OPCML: variants seen among roughly 807,000 people sequenced by gnomAD.
OPCML encodes opioid binding protein/cell adhesion molecule like.
A neutral mutation model predicts 37.8 loss-of-function variants in OPCML; 13 were observed. That is an observed-to-expected ratio of 0.34 (90% CI 0.22 to 0.55). The LOEUF is 0.55. OPCML is among the 20% of genes least tolerant of loss of function. OPCML has a pLI of 0.91. For missense variants in OPCML, 341 were observed against 435.6 expected (o/e 0.78, Z 1.93); for synonymous variants, 176 against 168.8 (o/e 1.04, Z -0.33).
chr11:133,273,647 G>A (rs1294518532), intron 1 of OPCML, among the ~76,000 whole-genome samples: 1 of 152,134 alleles, frequency 6.6e-6, no homozygotes, highest in Non-Finnish European at 1.5e-5. Context: ...CAAGGGATCT[G>A]CTAAGCCAGA....
At chr11:133,345,008 C>A (rs987271583) in intron 1 of OPCML, among the ~76,000 whole-genome samples, 5 of 152,178 alleles carry the variant, frequency 3.3e-5, no homozygotes, top group Non-Finnish European at 7.3e-5. Context: ...TCCTTACCAT[C>A]ACCCTCTGCG....
intron 1 of OPCML, among the ~76,000 whole-genome samples, chr11:133,267,240 A>T (rs1397407426): frequency 1.3e-5 from 2 of 152,170 alleles, no homozygotes; most frequent in Admixed American, 6.5e-5. Flanking sequence ...TGAGCGTCAC[A>T]CTTAGTATTG....
intron 1 of OPCML, among the ~76,000 whole-genome samples, chr11:133,471,815 A>T (rs74521221): frequency 0.057 from 8,675 of 152,244 alleles, 776 homozygotes; most frequent in African/African-American, 0.19. Flanking sequence ...TGAGGTCAGG[A>T]GTCATTGAAG....
At chr11:132,789,042 A>G (rs943970765) in intron 2 of OPCML, among the ~76,000 whole-genome samples, 9 of 145,960 alleles carry the variant, frequency 6.2e-5, no homozygotes, top group Non-Finnish European at 1.3e-4. Context: ...TCATTCATCT[A>G]CGTGCACCCG....
At chr11:133,035,516 A>G (rs959263198) in intron 1 of OPCML, among the ~76,000 whole-genome samples, 11 of 152,318 alleles carry the variant, frequency 7.2e-5, no homozygotes, top group Middle Eastern at 3.4e-3. Context: ...AGACTAAAGT[A>G]TTTGGCTATT....
intron 1 of OPCML, among the ~76,000 whole-genome samples, chr11:133,381,506 G>A (rs986404092): frequency 3.9e-5 from 6 of 152,234 alleles, no homozygotes; most frequent in African/African-American, 7.2e-5. Context: ...GGAGCTCAGA[G>A]AAAGGCTATG....
At chr11:132,624,057 A>T (rs1939590447) in intron 3 of OPCML, among the ~76,000 whole-genome samples, 1 of 152,222 alleles carries the variant, frequency 6.6e-6, no homozygotes, top group Non-Finnish European at 1.5e-5. Context: ...TGCAACATCT[A>T]ATGTTTTGGT....
chr11:133,347,652 T>C (rs1944033950), intron 1 of OPCML, among the ~76,000 whole-genome samples: 2 of 152,352 alleles, frequency 1.3e-5, no homozygotes, highest in South Asian at 4.1e-4. Flanking sequence ...AGATCCTGTC[T>C]GTATTTGGAC....
chr11:133,387,652 T>C (rs1305594013), intron 1 of OPCML, among the ~76,000 whole-genome samples: 1 of 152,230 alleles, frequency 6.6e-6, no homozygotes, highest in Non-Finnish European at 1.5e-5. Flanking sequence ...ATGTATTCAG[T>C]GATCGCTGTA....
chr11:132,662,251 G>A (rs1287446588), intron 2 of OPCML, among the ~76,000 whole-genome samples: 3 of 152,102 alleles, frequency 2.0e-5, no homozygotes, highest in Non-Finnish European at 4.4e-5. Context: ...CGGATACTGC[G>A]GCTCTGGGGA....
chr11:132,653,222 G>A (rs536198892), intron 3 of OPCML, among the ~76,000 whole-genome samples: 1 of 152,174 alleles, frequency 6.6e-6, no homozygotes, highest in African/African-American at 2.4e-5. Flanking sequence ...TAAAAAATCT[G>A]GGTGATATCA....
At chr11:133,339,269 C>T (rs1442201264) in intron 1 of OPCML, among the ~76,000 whole-genome samples, 1 of 152,158 alleles carries the variant, frequency 6.6e-6, no homozygotes, top group Non-Finnish European at 1.5e-5. Flanking sequence ...CCCATAACAG[C>T]CTTCTGAATT....
At chr11:132,682,705 G>A (rs1285643510) in intron 2 of OPCML, among the ~76,000 whole-genome samples, 4 of 152,174 alleles carry the variant, frequency 2.6e-5, no homozygotes, top group South Asian at 2.1e-4. Flanking sequence ...ACGGAGGACC[G>A]AGACCTGTGT....
chr11:133,316,784 A>C (rs1318174630), intron 1 of OPCML, among the ~76,000 whole-genome samples: 4 of 152,228 alleles, frequency 2.6e-5, no homozygotes, highest in African/African-American at 9.6e-5. Flanking sequence ...AGCACTAGTG[A>C]AATATGATGC....
chr11:132,829,981 A>C (rs936181382), intron 2 of OPCML, among the ~76,000 whole-genome samples: 8 of 152,198 alleles, frequency 5.3e-5, no homozygotes, highest in African/African-American at 1.7e-4. Flanking sequence ...TTATAGGCAG[A>C]GAAAAAAAAT....
intron 2 of OPCML, among the ~76,000 whole-genome samples, chr11:132,726,416 C>T (rs1372133987): frequency 6.6e-6 from 1 of 152,044 alleles, no homozygotes; most frequent in African/African-American, 2.4e-5. Flanking sequence ...AGACCTGATC[C>T]CATGATTCAA....
chr11:132,723,671 G>A (rs565130275), intron 2 of OPCML, among the ~76,000 whole-genome samples: 1 of 151,780 alleles, frequency 6.6e-6, no homozygotes, highest in African/African-American at 2.4e-5. Flanking sequence ...CTTTCTCATT[G>A]CCCACTTCCT....
chr11:133,394,317 T>C (rs991835324), intron 1 of OPCML, among the ~76,000 whole-genome samples: 5 of 152,228 alleles, frequency 3.3e-5, no homozygotes, highest in Non-Finnish European at 5.9e-5. Context: ...ATGGGTTACA[T>C]GAGATATTTT....
chr11:132,614,678 C>A (rs941813954), intron 3 of OPCML, among the ~76,000 whole-genome samples: 1 of 152,192 alleles, frequency 6.6e-6, no homozygotes, highest in Non-Finnish European at 1.5e-5. Flanking sequence ...AAAAACAAAT[C>A]TTTCTCTCAA....
Sources: allele counts gnomAD v4.1 joint callset (sites outside exome capture counted in the v4.1 genomes callset), GRCh38; gene constraint gnomAD v4.1.1; transcripts MANE v1.5; gene names NCBI Gene and HGNC (gene_info 2026-07-23, HGNC 2026-07-21).